ABLIM3: variants seen among roughly 807,000 people sequenced by gnomAD.
ABLIM3 encodes the protein actin-binding LIM protein 3.
ABLIM3 carries 61 observed loss-of-function variants against 109.5 expected under a neutral mutation model. The ratio of observed to expected loss-of-function variants is 0.56; its 90% CI spans 0.45 to 0.69. The LOEUF (loss-of-function observed/expected upper bound fraction) is 0.69, where lower values mean the gene tolerates loss of function less well. Ranked by LOEUF, ABLIM3 falls within the 30% of genes least tolerant of loss-of-function variation. The pLI is 0.00. For missense variants in ABLIM3, 796 were observed against 889.5 expected, an observed-to-expected ratio of 0.89 and a Z score of 1.34; for synonymous variants, 300 against 324.8, an observed-to-expected ratio of 0.92 and a Z score of 0.82.
intron 3 of ABLIM3, among the ~76,000 whole-genome samples, chr5:149,195,682 T>C (rs776861191): frequency 4.6e-5 from 7 of 152,154 alleles, no homozygotes; most frequent in Non-Finnish European, 7.3e-5. Context: ...CATGACCTAA[T>C]TGATTCCGCA....
At chr5:149,225,220 C>T (rs1402440981) in intron 8 of ABLIM3, among the ~76,000 whole-genome samples, 1 of 143,184 alleles carries the variant, frequency 7.0e-6, no homozygotes, top group African/African-American at 2.4e-5. Flanking sequence ...AGTGCATTCA[C>T]AATGTTGTAC....
At chr5:149,199,115 C>A (rs1336320657) in intron 4 of ABLIM3, 1 of 456,712 alleles carries the variant, frequency 2.2e-6, no homozygotes, top group South Asian at 1.5e-5. Flanking sequence ...CTTGTTAATT[C>A]AGCAAGTGTA....
At chr5:149,221,245 C>A (rs1050159753) in intron 8 of ABLIM3, among the ~76,000 whole-genome samples, 3 of 152,168 alleles carry the variant, frequency 2.0e-5, no homozygotes, top group South Asian at 4.1e-4. Flanking sequence ...GCCCACTTAC[C>A]TGGCACACAG....
At chr5:149,256,154 G>A (rs1342039301) in intron 23 of ABLIM3, among the ~76,000 whole-genome samples, 2 of 152,214 alleles carry the variant, frequency 1.3e-5, no homozygotes, top group African/African-American at 4.8e-5. Flanking sequence ...GGCCCTTAGA[G>A]GAGAGAAGCC....
chr5:149,251,185 A>C (rs1403006526), intron 20 of ABLIM3, among the ~76,000 whole-genome samples, 174 bp from the exon 21 acceptor site: 1 of 152,234 alleles, frequency 6.6e-6, no homozygotes, highest in African/African-American at 2.4e-5. Context: ...ACCATGTGCC[A>C]GGACAAAGCA....
Position 149,200,315 on chromosome 5 carries a change from G to A in ABLIM3, c.336-1G>A. The A allele has an allele frequency of 6.2e-7, 1 of 1,614,088 alleles. No homozygotes were observed. The highest frequency in any genetic ancestry group is 8.5e-7 in the Non-Finnish European group (1 of 1,179,940). Reference sequence around the variant, plus strand: ...GAATTTCTCCCTCATCCCACTTGCAGGAAGCCTTTCCCCATTGGAGACAAG... The same window carrying A: ...GAATTTCTCCCTCATCCCACTTGCAAGAAGCCTTTCCCCATTGGAGACAAG... On this transcript the variant is annotated splice_acceptor_variant, in intron 4 of 23. Transcript: ENST00000309868. LOFTEE classifies it high-confidence loss of function.
intron 8 of ABLIM3, among the ~76,000 whole-genome samples, chr5:149,222,289 A>T (rs1249098926): frequency 1.3e-5 from 2 of 152,122 alleles, no homozygotes; most frequent in African/African-American, 4.8e-5. Flanking sequence ...TAATGTCCTC[A>T]TTTTAGAGGA....
intron 4 of ABLIM3, chr5:149,199,068 A>C (rs1037622301): frequency 2.2e-6 from 1 of 456,690 alleles, no homozygotes; most frequent in Admixed American, 2.3e-5. Context: ...TGGAGAGCTC[A>C]TCCCTGCCTC....
At chr5:149,237,775 CT>C (rs977966888) in intron 11 of ABLIM3, among the ~76,000 whole-genome samples, 172 bp downstream of exon 11, 26 of 152,322 alleles carry the variant, frequency 1.7e-4, no homozygotes, top group Middle Eastern at 3.4e-3. Context: ...ATTTGGCTTT[CT>C]GGCTCTTCTT....
chr5:149,173,757 C>T (rs1417372990), intron 2 of ABLIM3, among the ~76,000 whole-genome samples: 2 of 152,150 alleles, frequency 1.3e-5, no homozygotes, highest in African/African-American at 4.8e-5. Context: ...CGCGGTGGCT[C>T]ACGCCTGTAA....
intron 10 of ABLIM3, among the ~76,000 whole-genome samples, chr5:149,235,737 C>G (rs898864098): frequency 6.6e-6 from 1 of 152,136 alleles, no homozygotes; most frequent in Non-Finnish European, 1.5e-5. Flanking sequence ...ACCCACACAC[C>G]CCCAGAACTG....
At chr5:149,254,759 C>G (rs1167433886) in intron 23 of ABLIM3, among the ~76,000 whole-genome samples, 1 of 152,204 alleles carries the variant, frequency 6.6e-6, no homozygotes, top group Non-Finnish European at 1.5e-5. Flanking sequence ...CCCAGGGCAG[C>G]TCAGTGAAGC....
intron 3 of ABLIM3, among the ~76,000 whole-genome samples, chr5:149,190,318 T>TA (rs1757364631): frequency 6.6e-6 from 1 of 152,160 alleles, no homozygotes; most frequent in Non-Finnish European, 1.5e-5. Context: ...GTGAATATGC[T>TA]AAAAAATGGT....
intron 23 of ABLIM3, 92 bp from the exon 24 acceptor site, chr5:149,258,199 C>A: frequency 9.0e-7 from 1 of 1,116,656 alleles, no homozygotes; most frequent in Non-Finnish European, 1.3e-6. Context: ...ACATGCAGCA[C>A]CCACTGCTGC....
At position 149,259,374 on chromosome 5, in the gene ABLIM3, G is replaced by T. The variant is rs1354169200; in HGVS notation, c.*970G>T. ...CCGCAGGGCTAATGTTCCCACCAGA[G>T]CTCCAACTGAACAACCAGACAGACA... On this transcript the variant is annotated 3_prime_UTR_variant, in exon 24 of 24. Coordinates refer to ENST00000309868, the MANE Select transcript of ABLIM3 (RefSeq NM_014945.5). 4.7e-5 allele frequency: 69 copies of T among 1,467,160 alleles called. No individual in the cohort carries two copies. The highest frequency in any genetic ancestry group is 5.4e-5 in the Non-Finnish European group (60 of 1,112,732). The allele number at this position is 1,467,160 out of a possible 1,614,324, so 90.9% of individuals were successfully genotyped here.
intron 5 of ABLIM3, among the ~76,000 whole-genome samples, chr5:149,202,886 C>T (rs1367691131): frequency 1.3e-5 from 2 of 152,010 alleles, no homozygotes; most frequent in Admixed American, 6.6e-5. Context: ...ATCATCATTG[C>T]AAACATTGAT....
At position 149,258,398 on chromosome 5, in the gene ABLIM3, G is replaced by C; in HGVS notation, c.2046G>C (p.Leu682=). 6.2e-7 allele frequency: 1 copy of C among 1,613,796 alleles called. No homozygotes were observed. The highest frequency in any genetic ancestry group is 8.5e-7 in the Non-Finnish European group (1 of 1,179,946). The change falls in exon 24 of 24, where the codon CTG becomes CTC. Residue 682 remains leucine, a synonymous_variant. Coordinates refer to ENST00000309868, the MANE Select transcript of ABLIM3 (RefSeq NM_014945.5). ...ATGAACTGAAGAAGCAAGCCCGGCT[G>C]TTCTAGGCAGAGGCTCTATAAATAT... ...KRNELKKQAR[L]F is the part of the protein sequence containing the mutation.
chr5:149,252,284 C>T (rs1396542862), intron 22 of ABLIM3, 76 bp downstream of exon 22: 3 of 1,538,980 alleles, frequency 1.9e-6, no homozygotes, highest in Non-Finnish European at 2.7e-6. Context: ...AGGAGGATGA[C>T]AGCACTGTCT....
Position 149,198,233 on chromosome 5 carries a change from C to T in ABLIM3, c.166C>T (p.Leu56=). ...TGTTCCCCAAGTATGTGGCTGTGGC[C>T]TGGCCCAGTCAGGCTTCTTCTTCAA... ...CFTCQVCGCG[L]AQSGFFFKNQ... The change falls in exon 4 of 24, where the codon CTG becomes TTG. Residue 56 remains leucine (L), a synonymous_variant. Transcript: ENST00000309868. The surrounding 1 kb of genome is among the most constrained non-coding windows in gnomAD (Gnocchi z 4.2). 6.2e-7 allele frequency: 1 copy of T among 1,613,006 alleles called. No homozygotes were observed. Among genetic ancestry groups the T allele is most frequent in the Non-Finnish European group, 8.5e-7 (1 of 1,179,452 alleles).
Sources: gnomAD v4.1 joint callset for allele counts (sites outside exome capture counted in the v4.1 genomes callset) on GRCh38, gnomAD v4.1.1 for gene constraint, Gnocchi (gnomAD v3.1) non-coding constraint, MANE v1.5 for transcripts, NCBI Gene and HGNC (gene_info 2026-07-23, HGNC 2026-07-21) for gene names.